KHDRBS2: variants seen among roughly 807,000 people sequenced by gnomAD.
The protein encoded by KHDRBS2 is KH domain-containing, RNA-binding, signal transduction-associated protein 2.
A neutral mutation model predicts 44.3 loss-of-function variants in KHDRBS2; 26 were observed. The observed-to-expected ratio is 0.59, with a 90% CI of 0.43 to 0.81. The LOEUF (loss-of-function observed/expected upper bound fraction) is 0.81. KHDRBS2 is among the 40% of genes least tolerant of loss of function. The pLI is 0.00. For missense variants in KHDRBS2, 476 were observed against 433.1 expected, an observed-to-expected ratio of 1.10 and a Z score of -0.88; for synonymous variants, 194 against 151.1, an observed-to-expected ratio of 1.28 and a Z score of -2.08.
intron 6 of KHDRBS2, among the ~76,000 whole-genome samples, chr6:61,743,544 T>C (rs1359257513): frequency 2.0e-5 from 3 of 152,138 alleles, no homozygotes; most frequent in Admixed American, 6.6e-5. Context: ...TGTTAAAACA[T>C]GTACTGAAGA....
chr6:62,220,230 A>T (rs1250992254), intron 1 of KHDRBS2, among the ~76,000 whole-genome samples: 1 of 151,888 alleles, frequency 6.6e-6, no homozygotes, highest in East Asian at 1.9e-4. Flanking sequence ...ATTCAGTCAA[A>T]CCAGAGAATT....
At chr6:62,279,241 G>C (rs902599451) in intron 1 of KHDRBS2, among the ~76,000 whole-genome samples, 1 of 152,140 alleles carries the variant, frequency 6.6e-6, no homozygotes, top group African/African-American at 2.4e-5. Flanking sequence ...CCAACTTCCT[G>C]CATATGAATA....
chr6:61,720,290 A>C (rs557225728), intron 7 of KHDRBS2, among the ~76,000 whole-genome samples: 53 of 152,194 alleles, frequency 3.5e-4, no homozygotes, highest in African/African-American at 1.1e-3. Context: ...TGGGTATATA[A>C]CCAGTAATGG....
the KHDRBS2 span, among the ~76,000 whole-genome samples, chr6:61,561,921 G>C: frequency 6.6e-6 from 1 of 152,064 alleles, no homozygotes; most frequent in East Asian, 1.9e-4. Context: ...CAAGATATTT[G>C]CTAGTCACTT....
intron 1 of KHDRBS2, among the ~76,000 whole-genome samples, chr6:62,212,398 A>G (rs1191756122): frequency 6.6e-6 from 1 of 152,084 alleles, no homozygotes. Flanking sequence ...GATAAGGAGG[A>G]AAGGGGAGAG....
chr6:62,125,053 T>C lies in KHDRBS2; in HGVS notation c.219+52132A>G, dbSNP rs370766781. On this transcript the variant is annotated intron_variant, in intron 2 of 8. Transcript: ENST00000281156. ...TTGTTTGTCTTTTGAAAAATGTTCATGTCCTTTACGCACTTATTAATAAGG... is the reference window on the plus strand; with the variant it reads ...TTGTTTGTCTTTTGAAAAATGTTCACGTCCTTTACGCACTTATTAATAAGG... Among the ~76,000 whole-genome samples, 13 of 152,322 alleles carry C rather than the reference T, an allele frequency of 8.5e-5. No homozygotes were observed. In the East Asian group the frequency reaches 2.3e-3, roughly 27 times the overall value.
At chr6:61,598,122 G>C in the KHDRBS2 span, among the ~76,000 whole-genome samples, 1 of 150,994 alleles carries the variant, frequency 6.6e-6, no homozygotes, top group African/African-American at 2.4e-5. Flanking sequence ...CCTGCTGACT[G>C]TGAGGAGTCT....
At chr6:62,114,221 A>G (rs1201923703) in intron 2 of KHDRBS2, among the ~76,000 whole-genome samples, 2 of 152,128 alleles carry the variant, frequency 1.3e-5, no homozygotes, top group Non-Finnish European at 2.9e-5. Context: ...CAGCCAAACC[A>G]TATCAATTCC....
chr6:61,850,435 A>C (rs902269502), intron 6 of KHDRBS2, among the ~76,000 whole-genome samples: 2 of 152,180 alleles, frequency 1.3e-5, no homozygotes, highest in African/African-American at 4.8e-5. Context: ...TAAGCAAATA[A>C]TTAGCACGGA....
At chr6:61,662,400 G>T in the KHDRBS2 span, among the ~76,000 whole-genome samples, 1 of 150,932 alleles carries the variant, frequency 6.6e-6, no homozygotes, top group Non-Finnish European at 1.5e-5. Flanking sequence ...TGACAAATGG[G>T]ATCTAATTAA....
At chr6:61,659,341 A>G in the KHDRBS2 span, among the ~76,000 whole-genome samples, 1 of 151,810 alleles carries the variant, frequency 6.6e-6, no homozygotes, top group Non-Finnish European at 1.5e-5. Context: ...TCCTAGAGAC[A>G]GCTAGGGATA....
chr6:61,662,462 A>G, the KHDRBS2 span, among the ~76,000 whole-genome samples: 2 of 152,070 alleles, frequency 1.3e-5, no homozygotes, highest in Non-Finnish European at 2.9e-5. Context: ...TGAACAGGCA[A>G]CCTACAGAAT....
At chr6:61,582,687 T>C in the KHDRBS2 span, among the ~76,000 whole-genome samples, 9 of 103,506 alleles carry the variant, frequency 8.7e-5, no homozygotes, top group African/African-American at 3.2e-4. Flanking sequence ...TGGTAGTTAT[T>C]ATGTAACTTT....
intron 6 of KHDRBS2, among the ~76,000 whole-genome samples, chr6:61,837,958 G>C (rs775217209): frequency 6.6e-6 from 1 of 151,952 alleles, no homozygotes; most frequent in Non-Finnish European, 1.5e-5. Context: ...AATCTTAGCA[G>C]TTGACAAAAA....
chr6:61,794,634 T>G (rs948364851), intron 6 of KHDRBS2, among the ~76,000 whole-genome samples: 12 of 151,918 alleles, frequency 7.9e-5, no homozygotes, highest in Non-Finnish European at 1.8e-4. Context: ...GGAATCAGAG[T>G]AGTGGAAGCT....
At chr6:62,224,131 G>A (rs1831354838) in intron 1 of KHDRBS2, among the ~76,000 whole-genome samples, 2 of 152,118 alleles carry the variant, frequency 1.3e-5, no homozygotes, top group Non-Finnish European at 2.9e-5. Context: ...AGTTCCATAT[G>A]GCTGGGGAGG....
intron 2 of KHDRBS2, among the ~76,000 whole-genome samples, chr6:62,093,409 CATGTAT>C (rs1179303877): frequency 5.8e-4 from 88 of 151,894 alleles, no homozygotes; most frequent in African/African-American, 2.0e-3. Context: ...TATATCCATA[CATGTAT>C]AAGTTATGTA....
chr6:62,008,117 T>C (rs905750148), intron 3 of KHDRBS2, among the ~76,000 whole-genome samples: 7 of 152,254 alleles, frequency 4.6e-5, no homozygotes, highest in Middle Eastern at 3.4e-3. Flanking sequence ...AATTTTACTG[T>C]TGGATGAATC....
At chr6:62,261,274 C>T (rs138475059) in intron 1 of KHDRBS2, among the ~76,000 whole-genome samples, 85 of 151,982 alleles carry the variant, frequency 5.6e-4, no homozygotes, top group African/African-American at 2.0e-3. Flanking sequence ...CTCCAGTCTC[C>T]TCATTCCACA....
Sources: gnomAD v4.1 joint callset for allele counts (sites outside exome capture counted in the v4.1 genomes callset) on GRCh38, gnomAD v4.1.1 for gene constraint, MANE v1.5 for transcripts, NCBI Gene and HGNC (gene_info 2026-07-23, HGNC 2026-07-21) for gene names.